The following LRRIQ1 variants were observed in gnomAD, a reference collection of about 807,000 sequenced individuals.
LRRIQ1 encodes leucine rich repeats and IQ motif containing 1, also known as leucine-rich repeat- and IQ domain-containing protein 1.
A neutral mutation model predicts 211.9 loss-of-function variants in LRRIQ1; 210 were observed. That is an observed-to-expected ratio of 0.99 (90% CI 0.89 to 1.11). LRRIQ1 has a LOEUF of 1.11. LRRIQ1 is among the 50% of genes most tolerant of loss of function. LRRIQ1 has a pLI of 0.00. For synonymous variants in LRRIQ1, 699 were observed against 650.1 expected (o/e 1.08, Z -1.14); for missense variants, 2,136 against 1,939.5 (o/e 1.10, Z -1.90).
At chr12:85,048,763 G>A (rs980588985) in intron 6 of LRRIQ1, among the ~76,000 whole-genome samples, 1 of 152,058 alleles carries the variant, frequency 6.6e-6, no homozygotes, top group Non-Finnish European at 1.5e-5. Flanking sequence ...AAATAGGATT[G>A]AGTATAATGT....
At chr12:85,073,523 A>G (rs74990417) in intron 11 of LRRIQ1, among the ~76,000 whole-genome samples, 4,172 of 152,178 alleles carry the variant, frequency 0.027, 190 homozygotes, top group African/African-American at 0.095. Context: ...TTTGTAAAAA[A>G]AGAAATGCTT....
At chr12:85,257,182 A>AT (rs1258770350) in intron 1 of LRRIQ1, among the ~76,000 whole-genome samples, 5 of 106 alleles carry the variant, frequency 0.047, no homozygotes, top group Non-Finnish European at 0.071. Flanking sequence ...ATTATGTATT[A>AT]ATTATATATT....
rs532971398 is a variant in LRRIQ1, at chr12:85,223,739, A to C, written c.4823-5778A>C. On this transcript the variant is annotated intron_variant, in intron 24 of 26. Transcript: ENST00000393217. Reference sequence around the variant, plus strand: ...CCAATGGTCAGGAGAAAATATTTGCACCAGGGATAACAGAAAAAGAATTAT... The same window carrying C: ...CCAATGGTCAGGAGAAAATATTTGCCCCAGGGATAACAGAAAAAGAATTAT... Among the ~76,000 whole-genome samples the C allele has an allele frequency of 2.8e-4, 42 of 152,282 alleles. 1 individual carries two copies. Among genetic ancestry groups the C allele is most frequent in the African/African-American group, 9.4e-4 (39 of 41,578 alleles).
chr12:85,091,800 A>T (rs1483430692), intron 11 of LRRIQ1, among the ~76,000 whole-genome samples: 1 of 152,176 alleles, frequency 6.6e-6, no homozygotes, highest in Non-Finnish European at 1.5e-5. Flanking sequence ...TAAATATTAG[A>T]TAATTGTACG....
chr12:85,240,194 CTT>C (rs1352125305), intron 26 of LRRIQ1, among the ~76,000 whole-genome samples: 3 of 152,244 alleles, frequency 2.0e-5, no homozygotes, highest in African/African-American at 7.2e-5. Context: ...CATTCATACT[CTT>C]TATTTCTGTC....
intron 17 of LRRIQ1, among the ~76,000 whole-genome samples, chr12:85,127,555 A>C (rs1888452195): frequency 6.6e-6 from 1 of 152,176 alleles, no homozygotes; most frequent in South Asian, 2.1e-4. Context: ...CCCCAGAATG[A>C]TACAAGATCT....
Position 85,153,775 on chromosome 12 carries a change from A to C in LRRIQ1, c.4637+17A>C. 1.1e-5 allele frequency: 15 copies of C among 1,423,410 alleles called. No individual in the cohort carries two copies. The highest frequency in any genetic ancestry group is 1.4e-5 in the Non-Finnish European group (15 of 1,050,220). The allele number at this position is 1,423,410 out of a possible 1,614,324, so 88.2% of individuals were successfully genotyped here. On this transcript the variant is annotated intron_variant, in intron 22 of 26. Transcript: ENST00000393217. ...AGAAGAATGGTATGTAGTCAATTTG[A>C]CACTAATAAATTAAAAAATTGAGAG...
chr12:85,260,240 A>C (rs1221662403), intron 1 of LRRIQ1, among the ~76,000 whole-genome samples: 2 of 151,596 alleles, frequency 1.3e-5, no homozygotes, highest in Admixed American at 6.6e-5. Context: ...TGAGCCCAGC[A>C]TGTGGAGGCT....
In LRRIQ1 at chr12:85,052,151, CAT is replaced by C. The variant is rs755040816; in HGVS notation, c.679-23_679-22del. On this transcript the variant is annotated intron_variant, in intron 6 of 26. Transcript: ENST00000393217. ...AATATTTTTGATATTTGAGTATAGTCATATTTATTATTATCATATGTTCAGCA... is the reference window on the plus strand; with the variant it reads ...AATATTTTTGATATTTGAGTATAGTCATTTATTATTATCATATGTTCAGCA... 1.0e-5 allele frequency: 12 copies of C among 1,177,282 alleles called. No individual in the cohort carries two copies. The South Asian group carries it at 1.2e-4, about 12-fold the overall frequency. The allele number at this position is 1,177,282 out of a possible 1,614,324, so 72.9% of individuals were successfully genotyped here.
intron 24 of LRRIQ1, among the ~76,000 whole-genome samples, chr12:85,162,382 A>C (rs532743726): frequency 6.6e-6 from 1 of 152,178 alleles, no homozygotes; most frequent in Non-Finnish European, 1.5e-5. Flanking sequence ...AAATGTAGAA[A>C]TTCTGCTAAA....
In LRRIQ1 at chr12:85,176,721, A is replaced by G. The variant is rs571415629; in HGVS notation, c.4822+16007A>G. Reference sequence around the variant, plus strand: ...ACTAACCTGCACAATGTGCACATGTACCCTAAAACTTAAAGTATAATAAAA... The same window carrying G: ...ACTAACCTGCACAATGTGCACATGTGCCCTAAAACTTAAAGTATAATAAAA... On this transcript the variant is annotated intron_variant, in intron 24 of 26. Transcript: ENST00000393217. Among the ~76,000 whole-genome samples the G allele has an allele frequency of 2.0e-3, 307 of 150,002 alleles. 1 individual carries two copies. The highest frequency in any genetic ancestry group is 3.7e-3 in the Non-Finnish European group (252 of 67,810).
rs535459846 is a variant in LRRIQ1, at chr12:85,187,662, A to G, written c.4822+26948A>G. The stretch of plus-strand genomic sequence containing the variant: ...TTTCTACTAAAAATACAAAAAAAAT[A>G]GCTGGGCGTGGTGGCTCATGCCTGT... On this transcript the variant is annotated intron_variant, in intron 24 of 26. Transcript: ENST00000393217. Among the ~76,000 whole-genome samples the G allele has an allele frequency of 4.0e-3, 613 of 152,026 alleles. 2 individuals carry two copies. Among genetic ancestry groups the G allele is most frequent in the African/African-American group, 0.014 (585 of 41,488 alleles).
chr12:85,077,489 G>T (rs1326041416), intron 11 of LRRIQ1, among the ~76,000 whole-genome samples: 3 of 152,042 alleles, frequency 2.0e-5, no homozygotes, highest in Non-Finnish European at 4.4e-5. Context: ...TGTGGCTATT[G>T]TTTGTTTTAT....
chr12:85,153,272 T>A, intron 21 of LRRIQ1, 127 bp downstream of exon 21: 1 of 981,406 alleles, frequency 1.0e-6, no homozygotes, highest in Non-Finnish European at 1.5e-6. Flanking sequence ...TATTTAGTGT[T>A]AAAAACATCA....
chr12:85,158,807 T>G (rs1401156264), intron 23 of LRRIQ1, among the ~76,000 whole-genome samples: 1 of 151,906 alleles, frequency 6.6e-6, no homozygotes, highest in Non-Finnish European at 1.5e-5. Flanking sequence ...ACTGACTTTA[T>G]AATGAATAAA....
intron 17 of LRRIQ1, 24 bp downstream of exon 17, chr12:85,124,543 T>C: frequency 6.5e-7 from 1 of 1,535,710 alleles, no homozygotes; most frequent in Non-Finnish European, 8.9e-7. Context: ...ATAATGTTTC[T>C]TTTATAGATG....
chr12:85,265,674 T>C (rs2137350999), downstream of LRRIQ1, among the ~76,000 whole-genome samples: 1 of 152,048 alleles, frequency 6.6e-6, no homozygotes, highest in Non-Finnish European at 1.5e-5. Flanking sequence ...TGAGATAAAG[T>C]GTAAGTGTAA....
At chr12:85,186,623 T>C (rs541038786) in intron 24 of LRRIQ1, among the ~76,000 whole-genome samples, 41 of 152,292 alleles carry the variant, frequency 2.7e-4, no homozygotes, top group African/African-American at 8.2e-4. Context: ...ACTTTAATGG[T>C]AGCATTTCAC....
At chr12:85,195,651 A>G (rs2136976088) in intron 24 of LRRIQ1, among the ~76,000 whole-genome samples, 1 of 151,366 alleles carries the variant, frequency 6.6e-6, no homozygotes, top group Non-Finnish European at 1.5e-5. Context: ...ACTCTCAATA[A>G]ATTAGGTATT....
Sources: gnomAD v4.1 joint callset for allele counts (sites outside exome capture counted in the v4.1 genomes callset) on GRCh38, gnomAD v4.1.1 for gene constraint, MANE v1.5 for transcripts, NCBI Gene and HGNC (gene_info 2026-07-23, HGNC 2026-07-21) for gene names.